Variants in SEC24B observed in about 807,000 individuals in gnomAD.
SEC24B encodes the protein protein transport protein Sec24B.
A neutral mutation model predicts 142.8 loss-of-function variants in SEC24B; 45 were observed. The ratio of observed to expected loss-of-function variants is 0.32; its 90% CI spans 0.25 to 0.40. The LOEUF (loss-of-function observed/expected upper bound fraction) is 0.40. Ranked by LOEUF, SEC24B falls within the 10% of genes least tolerant of loss-of-function variation. The probability of loss-of-function intolerance (pLI) is 1.00; values close to 1 mark genes in which losing one functional copy is unlikely to be tolerated. For synonymous variants in SEC24B, 574 were observed against 568.2 expected (o/e 1.01, Z -0.15); for missense variants, 1,409 against 1,526.8 (o/e 0.92, Z 1.29).
intron 15 of SEC24B, 72 bp downstream of exon 15, chr4:109,525,013 A>G: frequency 4.4e-6 from 6 of 1,359,380 alleles, no homozygotes; most frequent in South Asian, 2.8e-5. Flanking sequence ...TAAACTCTTC[A>G]GTAAGCATTC....
Position 109,463,193 on chromosome 4 carries a change from C to T in SEC24B, c.426C>T (p.Ser142=), listed in dbSNP as rs1354555131. The T allele has an allele frequency of 6.2e-6, 10 of 1,614,158 alleles. No homozygotes were observed. In the African/African-American group the frequency reaches 6.7e-5, roughly 11 times the overall value. ...GSFQGAASSA[S]HLHTSASQPY... ...TCCAAGGTGCTGCATCGTCAGCATCCCATTTGCATACGAGTGCCTCCCAAC... is the reference window on the plus strand; with the variant it reads ...TCCAAGGTGCTGCATCGTCAGCATCTCATTTGCATACGAGTGCCTCCCAAC... The change falls in exon 2 of 24, where the codon TCC becomes TCT. Residue 142 remains serine, a synonymous_variant. Transcript: ENST00000265175.
chr4:109,531,292 A>T, intron 19 of SEC24B, 93 bp from the exon 20 acceptor site: 1 of 1,088,778 alleles, frequency 9.2e-7, no homozygotes, highest in Non-Finnish European at 1.3e-6. Context: ...TTTAAAGGCC[A>T]TGCTTTTTCC....
Position 109,453,273 on chromosome 4 carries a change from A to G in SEC24B, c.134-9628A>G, listed in dbSNP as rs117444314. Reference sequence around the variant, plus strand: ...TCCCGCTGTGCATGCATTGTCATTTATAAACATCTTAACATGGTTCAAGAG... The same window carrying G: ...TCCCGCTGTGCATGCATTGTCATTTGTAAACATCTTAACATGGTTCAAGAG... On this transcript the variant is annotated intron_variant, in intron 1 of 23. Transcript: ENST00000265175. Among the ~76,000 whole-genome samples the G allele has an allele frequency of 6.4e-3, 976 of 152,310 alleles. 22 individuals are homozygous for G. The East Asian group carries it at 0.083, about 13-fold the overall frequency.
chr4:109,434,682 T>C (rs986371772), intron 1 of SEC24B, among the ~76,000 whole-genome samples: 1 of 152,214 alleles, frequency 6.6e-6, no homozygotes, highest in Non-Finnish European at 1.5e-5. Flanking sequence ...AGTTTGCTTG[T>C]AGTGTTTGAA....
At chr4:109,518,803 CTTTT>C (rs770507485) in intron 11 of SEC24B, among the ~76,000 whole-genome samples, 2 of 117,884 alleles carry the variant, frequency 1.7e-5, no homozygotes. Flanking sequence ...ATGTTTCTGT[CTTTT>C]TTTTTTTTTT....
intron 10 of SEC24B, among the ~76,000 whole-genome samples, chr4:109,515,971 C>G (rs1203968081): frequency 6.6e-6 from 1 of 151,952 alleles, no homozygotes; most frequent in Non-Finnish European, 1.5e-5. Flanking sequence ...TCGCTTGAAC[C>G]TGGGAGGCAG....
At chr4:109,473,775 AGTTTTT>A (rs886552539) in intron 3 of SEC24B, among the ~76,000 whole-genome samples, 13 of 152,240 alleles carry the variant, frequency 8.5e-5, no homozygotes, top group South Asian at 8.3e-4. Flanking sequence ...TTCTTTTGGC[AGTTTTT>A]GTTTTTGTTT....
intron 3 of SEC24B, among the ~76,000 whole-genome samples, chr4:109,477,167 A>T (rs1733263929): frequency 6.9e-6 from 1 of 144,094 alleles, no homozygotes; most frequent in Non-Finnish European, 1.5e-5. Context: ...AAAAAAAAAG[A>T]CCTACAGAGT....
At chr4:109,474,864 G>A (rs941294743) in intron 3 of SEC24B, among the ~76,000 whole-genome samples, 12 of 152,156 alleles carry the variant, frequency 7.9e-5, no homozygotes, top group Non-Finnish European at 1.5e-4. Context: ...TATTTTGAAA[G>A]TAGAAGAAGC....
rs1731476267 is a variant in SEC24B at position 109,463,175 on chromosome 4, T to C, written c.408T>C (p.Gly136=). ...GATCCACTCTAGGATCTTTCCAAGG[T>C]GCTGCATCGTCAGCATCCCATTTGC... ...IVGSTLGSFQ[G]AASSASHLHT... The change falls in exon 2 of 24, where the codon GGT becomes GGC. Residue 136 remains glycine, a synonymous_variant. Coordinates refer to ENST00000265175, the MANE Select transcript of SEC24B (RefSeq NM_006323.5). 1 of 1,614,190 alleles carries C rather than the reference T, an allele frequency of 6.2e-7. No homozygotes were observed. Among genetic ancestry groups the C allele is most frequent in the Non-Finnish European group, 8.5e-7 (1 of 1,180,028 alleles).
intron 1 of SEC24B, among the ~76,000 whole-genome samples, chr4:109,441,874 A>G (rs1033677561): frequency 4.6e-5 from 7 of 152,230 alleles, no homozygotes; most frequent in African/African-American, 7.2e-5. Context: ...GGTGACTGGA[A>G]CAGTTACCTT....
chr4:109,519,784 A>G (rs1198388389), intron 11 of SEC24B, among the ~76,000 whole-genome samples: 1 of 152,222 alleles, frequency 6.6e-6, no homozygotes, highest in Non-Finnish European at 1.5e-5. Context: ...TTCGATGCAT[A>G]TTCTATTTTG....
Position 109,539,678 on chromosome 4 carries a change from T to G in SEC24B, c.*3T>G. 1 of 1,559,134 alleles carries G rather than the reference T, an allele frequency of 6.4e-7. No individual in the cohort carries two copies. Among genetic ancestry groups the G allele is most frequent in the Non-Finnish European group, 8.8e-7 (1 of 1,132,314 alleles). ...TTCAGCAGCAGATTTGTAAGTGAAG[T>G]AGAATAAAATTGAATAAGAAAAAGA... On this transcript the variant is annotated 3_prime_UTR_variant, in exon 24 of 24. Coordinates refer to ENST00000265175, the MANE Select transcript of SEC24B (RefSeq NM_006323.5).
intron 21 of SEC24B, 30 bp from the exon 22 acceptor site, chr4:109,533,563 T>C (rs1355049530): frequency 4.4e-6 from 6 of 1,363,532 alleles, no homozygotes. Flanking sequence ...TATTAGGGAG[T>C]TTTAATATTT....
intron 17 of SEC24B, 121 bp downstream of exon 17, chr4:109,526,520 G>T: frequency 1.5e-6 from 1 of 646,638 alleles, no homozygotes. Flanking sequence ...ATTTGTATTA[G>T]TTAATCAAAC....
At chr4:109,512,722 A>G (rs1486377841) in intron 9 of SEC24B, among the ~76,000 whole-genome samples, 1 of 147,804 alleles carries the variant, frequency 6.8e-6, no homozygotes, top group Admixed American at 6.8e-5. Flanking sequence ...GTTGCACAAT[A>G]TGGCTCACTG....
intron 2 of SEC24B, among the ~76,000 whole-genome samples, chr4:109,465,693 T>G (rs987205183): frequency 1.3e-5 from 2 of 152,180 alleles, no homozygotes; most frequent in Non-Finnish European, 2.9e-5. Flanking sequence ...GGAACTAATT[T>G]ATATTGAGAT....
intron 6 of SEC24B, among the ~76,000 whole-genome samples, chr4:109,503,279 A>G (rs946011351): frequency 5.3e-5 from 8 of 149,618 alleles, no homozygotes; most frequent in Admixed American, 1.3e-4. Flanking sequence ...GCTGGAGTGC[A>G]ATGGCTCGAT....
chr4:109,532,045 CAG>C (rs1033139238), intron 20 of SEC24B, among the ~76,000 whole-genome samples: 3 of 151,802 alleles, frequency 2.0e-5, no homozygotes, highest in African/African-American at 7.3e-5. Context: ...TTAGTAGAGA[CAG>C]AGTTTCACCA....
Sources: gnomAD v4.1 joint callset for allele counts (sites outside exome capture counted in the v4.1 genomes callset) on GRCh38, gnomAD v4.1.1 for gene constraint, MANE v1.5 for transcripts, NCBI Gene and HGNC (gene_info 2026-07-23, HGNC 2026-07-21) for gene names.